The following FREM2 variants were observed in gnomAD, a reference collection of about 807,000 sequenced individuals.
FREM2 encodes the protein FRAS1 related extracellular matrix 2, also known as FRAS1-related extracellular matrix protein 2.
FREM2 carries 119 observed loss-of-function variants against 219.9 expected under a neutral mutation model. The observed-to-expected ratio is 0.54, with a 90% CI of 0.47 to 0.63. The LOEUF is 0.63. Ranked by LOEUF, FREM2 falls within the 30% of genes least tolerant of loss-of-function variation. FREM2 has a pLI of 0.00. For missense variants in FREM2, 4,030 were observed against 3,993.6 expected (o/e 1.01, Z -0.25); for synonymous variants, 1,562 against 1,522.8 (o/e 1.03, Z -0.60).
intron 2 of FREM2, among the ~76,000 whole-genome samples, chr13:38,713,365 G>A (rs918895899): frequency 4.6e-5 from 7 of 152,058 alleles, no homozygotes; most frequent in African/African-American, 1.4e-4. Context: ...AGTGTCTCAG[G>A]AATGTGACAA....
At chr13:38,759,604 G>A (rs1873151360) in intron 2 of FREM2, among the ~76,000 whole-genome samples, 1 of 152,190 alleles carries the variant, frequency 6.6e-6, no homozygotes, top group African/African-American at 2.4e-5. Flanking sequence ...GTTATCAGCT[G>A]TCAGGCACCT....
At chr13:38,775,832 T>C (rs1311503593) in intron 4 of FREM2, among the ~76,000 whole-genome samples, 1 of 152,194 alleles carries the variant, frequency 6.6e-6, no homozygotes, top group East Asian at 1.9e-4. Context: ...TTGGCCAGGC[T>C]GGTCTCGAAC....
chr13:38,722,744 C>CT (rs1871336939), intron 2 of FREM2, among the ~76,000 whole-genome samples: 1 of 120,034 alleles, frequency 8.3e-6, no homozygotes, highest in Admixed American at 8.6e-5. Context: ...TAGCTGGTAA[C>CT]GTTTTTTTTT....
At chr13:38,783,669 C>T (rs1263147451) in intron 5 of FREM2, among the ~76,000 whole-genome samples, 1 of 151,978 alleles carries the variant, frequency 6.6e-6, no homozygotes, top group African/African-American at 2.4e-5. Flanking sequence ...TACTAAACAC[C>T]TTTCTAGGAA....
At chr13:38,788,611 T>C (rs993691555) in intron 6 of FREM2, among the ~76,000 whole-genome samples, 1 of 152,160 alleles carries the variant, frequency 6.6e-6, no homozygotes, top group South Asian at 2.1e-4. Flanking sequence ...AGCTCAATCA[T>C]TTCTTTTCAT....
chr13:38,759,840 T>C lies in FREM2; in HGVS notation c.5264-4464T>C, dbSNP rs1466478058. On this transcript the variant is annotated intron_variant, in intron 2 of 23. Coordinates refer to ENST00000280481, the MANE Select transcript of FREM2 (RefSeq NM_207361.6). ...TGCCAATGTTTATTATTTCCATGAA[T>C]TGAGGTTTTAGAGGAGTTTACGTGA... 4.2e-4 allele frequency among the ~76,000 whole-genome samples: 64 copies of C among 152,250 alleles called. 1 individual carries two copies. Among genetic ancestry groups the C allele is most frequent in the Non-Finnish European group, 1.3e-4 (9 of 68,038 alleles).
intron 11 of FREM2, among the ~76,000 whole-genome samples, chr13:38,855,753 G>A (rs1298959726): frequency 1.3e-5 from 2 of 152,014 alleles, no homozygotes; most frequent in African/African-American, 2.4e-5. Context: ...GAGGTGAGGG[G>A]TGTAAGACTA....
At chr13:38,787,746 GTTA>G (rs973813054) in intron 6 of FREM2, among the ~76,000 whole-genome samples, 99 of 149,136 alleles carry the variant, frequency 6.6e-4, no homozygotes, top group African/African-American at 2.2e-3. Flanking sequence ...ATTTATTAAT[GTTA>G]TTATTTATTA....
chr13:38,814,018 C>G (rs1875652819), intron 6 of FREM2, among the ~76,000 whole-genome samples: 1 of 152,002 alleles, frequency 6.6e-6, no homozygotes, highest in Admixed American at 6.6e-5. Flanking sequence ...CTACATTTTT[C>G]AAGTCTATAA....
chr13:38,724,416 C>T (rs573685670), intron 2 of FREM2, among the ~76,000 whole-genome samples: 1 of 152,264 alleles, frequency 6.6e-6, no homozygotes, highest in Non-Finnish European at 1.5e-5. Context: ...TTAGAATTCA[C>T]ACCAGGGATG....
chr13:38,780,983 G>A (rs1011667425), intron 4 of FREM2, among the ~76,000 whole-genome samples: 1 of 152,198 alleles, frequency 6.6e-6, no homozygotes, highest in Non-Finnish European at 1.5e-5. Context: ...GCTAAAGCAA[G>A]CTCTGAATAA....
At chr13:38,766,481 C>G (rs905004403) in intron 3 of FREM2, among the ~76,000 whole-genome samples, 2 of 152,082 alleles carry the variant, frequency 1.3e-5, no homozygotes, top group African/African-American at 4.8e-5. Flanking sequence ...GGAATGGAAA[C>G]CAGATTAAAA....
intron 6 of FREM2, among the ~76,000 whole-genome samples, chr13:38,793,798 T>G (rs1022443516): frequency 3.9e-5 from 6 of 152,192 alleles, no homozygotes; most frequent in South Asian, 2.1e-4. Context: ...ATCTGAGAGA[T>G]AGTGCTGAGG....
At chr13:38,707,832 A>C (rs753079103) in intron 2 of FREM2, among the ~76,000 whole-genome samples, 1 of 152,218 alleles carries the variant, frequency 6.6e-6, no homozygotes, top group Non-Finnish European at 1.5e-5. Flanking sequence ...AATTAAGTGC[A>C]TTGCATCACT....
At chr13:38,745,298 G>C (rs541482998) in intron 2 of FREM2, among the ~76,000 whole-genome samples, 100 of 152,180 alleles carry the variant, frequency 6.6e-4, no homozygotes, top group African/African-American at 2.3e-3. Context: ...TTTATATTTT[G>C]TGAAATGTCT....
intron 6 of FREM2, 47 bp from the exon 7 acceptor site, chr13:38,846,526 T>G: frequency 6.3e-7 from 1 of 1,596,950 alleles, no homozygotes; most frequent in Non-Finnish European, 8.6e-7. Flanking sequence ...GAGTTTGATG[T>G]GAAAAAATAA....
rs756208759 is a variant in FREM2, at chr13:38,872,935, G to T, written c.8176+1G>T. The T allele has an allele frequency of 6.2e-7, 1 of 1,612,808 alleles. No individual in the cohort carries two copies. Among genetic ancestry groups the T allele is most frequent in the Non-Finnish European group, 8.5e-7 (1 of 1,179,116 alleles). Reference sequence around the variant, plus strand: ...AGCCCCCCAGAGGCTGAACTTCAAGGTGAGTTCAGAAGACTTGGAAAATTC... The same window carrying T: ...AGCCCCCCAGAGGCTGAACTTCAAGTTGAGTTCAGAAGACTTGGAAAATTC... On this transcript the variant is annotated splice_donor_variant, in intron 17 of 23. Transcript: ENST00000280481. LOFTEE classifies it high-confidence loss of function.
intron 6 of FREM2, among the ~76,000 whole-genome samples, chr13:38,818,486 A>T (rs897011642): frequency 6.6e-6 from 1 of 152,134 alleles, no homozygotes; most frequent in African/African-American, 2.4e-5. Context: ...CAAAGGAAAA[A>T]AAGTTGATAT....
chr13:38,778,556 C>A (rs555128040), intron 4 of FREM2, among the ~76,000 whole-genome samples: 2 of 152,006 alleles, frequency 1.3e-5, no homozygotes, highest in Non-Finnish European at 2.9e-5. Context: ...TAATACAGGA[C>A]GAACACAAAC....
Sources: gnomAD v4.1 joint callset for allele counts (sites outside exome capture counted in the v4.1 genomes callset) on GRCh38, gnomAD v4.1.1 for gene constraint, MANE v1.5 for transcripts, NCBI Gene and HGNC (gene_info 2026-07-23, HGNC 2026-07-21) for gene names.